Variants in MEGF6 observed in about 807,000 individuals in gnomAD.
The protein encoded by MEGF6 is multiple EGF like domains 6.
In MEGF6, 184 loss-of-function variants were observed where a neutral mutation model predicts 207.1. The observed-to-expected ratio is 0.89, with a 90% confidence interval of 0.79 to 1.00. The LOEUF (loss-of-function observed/expected upper bound fraction) is 1.00. Ranked by LOEUF, MEGF6 falls within the 50% of genes least tolerant of loss-of-function variation. The pLI, the probability that MEGF6 is intolerant of heterozygous loss-of-function variation, is 0.00. For missense variants in MEGF6, 2,282 were observed against 2,202.9 expected, an observed-to-expected ratio of 1.04 and a Z score of -0.72; for synonymous variants, 1,038 against 910.0, an observed-to-expected ratio of 1.14 and a Z score of -2.53.
chr1:3,497,292 T>G lies in MEGF6; in HGVS notation c.3422A>C (p.His1141Pro). 1 of 1,550,520 alleles carries G rather than the reference T, an allele frequency of 6.4e-7. No individual in the cohort carries two copies. Among genetic ancestry groups the G allele is most frequent in the Non-Finnish European group, 8.7e-7 (1 of 1,151,330 alleles). ...ACAGCGGCAGGCCCCAGTGACGTGG[T>G]GGCAGGCAGCGCCAGGCGGGCAGCT... Reference protein sequence around the residue: ...RCSCPPGAACHHVTGACRCPP... With the variant: ...RCSCPPGAACPHVTGACRCPP... The change falls in exon 27 of 37, where the codon CAC becomes CCC. Residue 1141 changes from histidine (H) to proline (P), a missense_variant. By Grantham distance (77) the His-to-Pro change is moderately conservative. Transcript: ENST00000356575.
At chr1:3,544,966 C>T (rs1212108769) in intron 4 of MEGF6, among the ~76,000 whole-genome samples, 1 of 152,182 alleles carries the variant, frequency 6.6e-6, no homozygotes, top group African/African-American at 2.4e-5. Context: ...CCTTTGCTCC[C>T]TACCCCAGCT....
chr1:3,549,069 A>G (rs1029531031), intron 4 of MEGF6, among the ~76,000 whole-genome samples: 6 of 151,852 alleles, frequency 4.0e-5, no homozygotes, highest in Admixed American at 3.3e-4. Context: ...CGCCGCCTCC[A>G]CCCCAGGCCG....
intron 5 of MEGF6, among the ~76,000 whole-genome samples, chr1:3,517,871 CTG>C (rs2101114144): frequency 6.6e-6 from 1 of 152,346 alleles, no homozygotes; most frequent in South Asian, 2.1e-4. Flanking sequence ...GCAAGCCCTA[CTG>C]TGTCTTTCAC....
In MEGF6 at chr1:3,501,884, G is replaced by C. The variant is rs529124706; in HGVS notation, c.2226C>G (p.Ser742Arg). 12 of 1,609,466 alleles carry C rather than the reference G, an allele frequency of 7.5e-6. No homozygotes were observed. The African/African-American group carries it at 1.3e-4, about 18-fold the overall frequency. Residue 742 changes from serine to arginine, a missense_variant, in exon 18 of 37, where the codon AGC becomes AGG. Ser to Arg is a moderately radical substitution (Grantham distance 110). Coordinates refer to ENST00000356575, the MANE Select transcript of MEGF6 (RefSeq NM_001409.4). ...PVGTFGVNCS[S>R]SCSCGGAPCH... ...AGGGGGCCCCCCCACAGGAGCAGGA[G>C]CTCGAGCAGTTCACGCCAAACGTCC...
intron 4 of MEGF6, among the ~76,000 whole-genome samples, chr1:3,575,321 G>C (rs1170019407): frequency 6.6e-6 from 1 of 152,122 alleles, no homozygotes; most frequent in Admixed American, 6.5e-5. Context: ...ACTCTGATGG[G>C]ACCCCAAAGT....
intron 4 of MEGF6, among the ~76,000 whole-genome samples, chr1:3,554,355 G>T (rs1461702227): frequency 2.0e-5 from 3 of 152,166 alleles, no homozygotes; most frequent in Non-Finnish European, 2.9e-5. Context: ...GGTCTAACAA[G>T]GGGTGGGGAC....
chr1:3,537,581 C>T (rs529033768), intron 4 of MEGF6, among the ~76,000 whole-genome samples: 13 of 152,350 alleles, frequency 8.5e-5, no homozygotes, highest in South Asian at 2.1e-4. Flanking sequence ...TCTGCCCTCA[C>T]GGACACCTGC....
intron 4 of MEGF6, among the ~76,000 whole-genome samples, chr1:3,557,919 C>G (rs531505469): frequency 6.6e-6 from 1 of 152,336 alleles, no homozygotes; most frequent in African/African-American, 2.4e-5. Context: ...AGGAAACAAA[C>G]ATCGAAAGCT....
chr1:3,503,848 C>T (rs1396237306), intron 17 of MEGF6, among the ~76,000 whole-genome samples: 3 of 152,032 alleles, frequency 2.0e-5, no homozygotes, highest in Admixed American at 1.3e-4. Flanking sequence ...AGGGCTTGTG[C>T]ACAGATGGGA....
chr1:3,571,729 C>T (rs1479076773), intron 4 of MEGF6, among the ~76,000 whole-genome samples: 3 of 119,078 alleles, frequency 2.5e-5, no homozygotes, highest in African/African-American at 9.5e-5. Flanking sequence ...TGGGTCCTTG[C>T]GGGTGCACTG....
intron 3 of MEGF6, among the ~76,000 whole-genome samples, chr1:3,590,549 C>G (rs996783449): frequency 6.6e-6 from 1 of 152,218 alleles, no homozygotes; most frequent in African/African-American, 2.4e-5. Flanking sequence ...ACACGATTAG[C>G]AGCTTCCGGC....
intron 12 of MEGF6, among the ~76,000 whole-genome samples, 154 bp from the exon 13 acceptor site, chr1:3,508,843 G>C (rs868690157): frequency 2.6e-5 from 4 of 152,190 alleles, no homozygotes; most frequent in Non-Finnish European, 4.4e-5. Flanking sequence ...CAGATGCTGG[G>C]GCCAGAAGGA....
Position 3,491,060 on chromosome 1 carries a change from C to T in MEGF6, c.4517-101G>A, listed in dbSNP as rs1020936598. The stretch of plus-strand genomic sequence containing the variant: ...CCCCATCCAGGCCTTCAGGGACCTC[C>T]ACTTCCCCCGCACAGTCTCCTTCCC... On this transcript the variant is annotated intron_variant, in intron 35 of 36. Transcript: ENST00000356575. 12 of 1,126,548 alleles carry T rather than the reference C, an allele frequency of 1.1e-5. No individual in the cohort carries two copies. The African/African-American group carries it at 1.4e-4, about 13-fold the overall frequency. The allele number at this position is 1,126,548 out of a possible 1,614,324, so 69.8% of individuals were successfully genotyped here.
chr1:3,567,564 A>G (rs1643381234), intron 4 of MEGF6, among the ~76,000 whole-genome samples: 1 of 152,008 alleles, frequency 6.6e-6, no homozygotes. Flanking sequence ...GCCACCTGCC[A>G]GCCAGCACCG....
At chr1:3,619,458 AC>A in the MEGF6 span, among the ~76,000 whole-genome samples, 2,676 of 152,282 alleles carry the variant, frequency 0.018, 45 homozygotes, top group South Asian at 0.052. Context: ...GTATGCCCCC[AC>A]CCAAATGTCA....
At chr1:3,531,392 C>CGCCGCCCGGGA in intron 4 of MEGF6, 1 of 1,160,442 alleles carries the variant, frequency 8.6e-7, no homozygotes, top group Non-Finnish European at 1.1e-6. Flanking sequence ...CTCCGCTCGG[C>CGCCGCCCGGGA]GCCGCCCGGG....
At chr1:3,495,373 T>A (rs1221451128) in intron 30 of MEGF6, among the ~76,000 whole-genome samples, 2 of 152,162 alleles carry the variant, frequency 1.3e-5, no homozygotes, top group African/African-American at 4.8e-5. Flanking sequence ...CAAGAGGCTG[T>A]GGCTGTGTTC....
intron 4 of MEGF6, among the ~76,000 whole-genome samples, chr1:3,564,312 T>C (rs946473493): frequency 4.0e-5 from 6 of 151,608 alleles, no homozygotes; most frequent in Admixed American, 2.0e-4. Flanking sequence ...GGTGAACAGA[T>C]GTTAACCTCA....
At position 3,496,740 on chromosome 1, in the gene MEGF6, A is replaced by G. The variant is rs770214379; in HGVS notation, c.3657T>C (p.Cys1219=). 1.3e-6 allele frequency: 2 copies of G among 1,559,870 alleles called. 1 individual carries two copies. Residue 1219 remains cysteine, a synonymous_variant, in exon 29 of 37, where the codon TGT becomes TGC. Transcript: ENST00000356575. ...CACAGGAGCCCCCGTTGAGACACCC[A>G]CACAGCTGTTCACAGCCTGGCCCAT... is the stretch of plus-strand genomic sequence containing the variant. ...GRYGPGCEQL[C]GCLNGGSCDA... is the part of the protein sequence containing the mutation.
Sources: allele counts gnomAD v4.1 joint callset (sites outside exome capture counted in the v4.1 genomes callset), GRCh38; gene constraint gnomAD v4.1.1; transcripts MANE v1.5; gene names NCBI Gene and HGNC (gene_info 2026-07-23, HGNC 2026-07-21).